The following FAM135B variants were observed in gnomAD, a reference collection of about 807,000 sequenced individuals.
FAM135B encodes the protein protein FAM135B.
A neutral mutation model predicts 127.7 loss-of-function variants in FAM135B; 43 were observed. That is an observed-to-expected ratio of 0.34 (90% confidence interval 0.26 to 0.43). The LOEUF (loss-of-function observed/expected upper bound fraction) is 0.43. Ranked by LOEUF, FAM135B falls within the 20% of genes least tolerant of loss-of-function variation. The probability of loss-of-function intolerance (pLI) is 1.00; values close to 1 mark genes in which losing one functional copy is unlikely to be tolerated. For missense variants in FAM135B, 1,558 were observed against 1,725.6 expected (o/e 0.90, Z 1.72); for synonymous variants, 670 against 665.1 (o/e 1.01, Z -0.11).
intron 4 of FAM135B, among the ~76,000 whole-genome samples, chr8:138,263,115 T>C (rs1011546258): frequency 3.3e-5 from 5 of 152,190 alleles, no homozygotes; most frequent in African/African-American, 9.6e-5. Flanking sequence ...GTTTAACAAC[T>C]GGCTCTCTGA....
intron 1 of FAM135B, among the ~76,000 whole-genome samples, chr8:138,492,587 A>G (rs888086319): frequency 1.3e-5 from 2 of 151,654 alleles, no homozygotes; most frequent in Non-Finnish European, 2.9e-5. Flanking sequence ...CAAACGTGTA[A>G]CCCTACCATC....
At chr8:138,305,319 C>T (rs180780779) in intron 3 of FAM135B, among the ~76,000 whole-genome samples, 2 of 152,272 alleles carry the variant, frequency 1.3e-5, no homozygotes, top group East Asian at 1.9e-4. Context: ...TAATCATTTG[C>T]TGCAGCCTCA....
intron 3 of FAM135B, among the ~76,000 whole-genome samples, chr8:138,295,390 G>A (rs1474821061): frequency 6.6e-6 from 1 of 152,094 alleles, no homozygotes; most frequent in East Asian, 1.9e-4. Flanking sequence ...TGCCGGCCTT[G>A]ATGAATACTA....
chr8:138,206,138 T>C (rs1817543333), intron 7 of FAM135B, among the ~76,000 whole-genome samples: 1 of 134,042 alleles, frequency 7.5e-6, no homozygotes. Flanking sequence ...CAGCAGCACC[T>C]CCACCCACGC....
Position 138,261,829 on chromosome 8 carries a change from T to A in FAM135B, c.297+3874A>T, listed in dbSNP as rs543423745. Among the ~76,000 whole-genome samples the A allele has an allele frequency of 2.8e-4, 42 of 152,334 alleles. No homozygotes were observed. In the East Asian group the frequency reaches 4.1e-3, roughly 15 times the overall value. On this transcript the variant is annotated intron_variant, in intron 4 of 19. Transcript: ENST00000395297. ...ATGTGTTTGATGAATAGGCATTTCA[T>A]AAATGTCTGTTGTTCACAATGATGT...
chr8:138,406,162 G>A (rs1252423557), intron 1 of FAM135B, among the ~76,000 whole-genome samples: 1 of 151,188 alleles, frequency 6.6e-6, no homozygotes, highest in Non-Finnish European at 1.5e-5. Context: ...CCATTTTGTA[G>A]GTTGCCTGTT....
intron 2 of FAM135B, among the ~76,000 whole-genome samples, chr8:138,328,869 GTC>G (rs1161828326): frequency 2.0e-5 from 3 of 152,174 alleles, no homozygotes; most frequent in African/African-American, 7.2e-5. Context: ...CCCAGAGAAA[GTC>G]TTCAATAGTT....
intron 2 of FAM135B, chr8:138,367,438 A>C (rs1048001954): frequency 8.8e-6 from 4 of 456,682 alleles, no homozygotes; most frequent in African/African-American, 8.0e-5. Context: ...ATTATACTTC[A>C]GTTATATGAA....
intron 1 of FAM135B, among the ~76,000 whole-genome samples, chr8:138,375,111 C>A (rs1831380705): frequency 6.6e-6 from 1 of 152,010 alleles, no homozygotes; most frequent in African/African-American, 2.4e-5. Flanking sequence ...GCTGCTGCAT[C>A]TGCCTGTAAT....
chr8:138,191,622 G>A (rs573474784), intron 9 of FAM135B, among the ~76,000 whole-genome samples: 192 of 152,250 alleles, frequency 1.3e-3, no homozygotes, highest in African/African-American at 4.3e-3. Context: ...GAAGAACACC[G>A]GATCTGGGAA....
Position 138,143,201 on chromosome 8 carries a change from C to T in FAM135B, c.3541-92G>A, listed in dbSNP as rs1817362537. 5 of 714,750 alleles carry T rather than the reference C, an allele frequency of 7.0e-6. No homozygotes were observed. In the East Asian group the frequency reaches 1.0e-4, roughly 15 times the overall value. 44.3% of individuals were successfully genotyped at this position (714,750 alleles called of 1,614,324 possible). On this transcript the variant is annotated intron_variant, in intron 15 of 19. Coordinates refer to ENST00000395297, the MANE Select transcript of FAM135B (RefSeq NM_015912.4). Reference sequence around the variant, plus strand: ...TGTGTTCTTCCACTAAACACTGTGGCGCCTACTGGGGATGTGCCTACCTCT... The same window carrying T: ...TGTGTTCTTCCACTAAACACTGTGGTGCCTACTGGGGATGTGCCTACCTCT...
intron 7 of FAM135B, among the ~76,000 whole-genome samples, chr8:138,209,531 A>G (rs560899356): frequency 6.6e-6 from 1 of 152,226 alleles, no homozygotes; most frequent in East Asian, 1.9e-4. Flanking sequence ...TCCAGGAGAG[A>G]AGCAGGAGAT....
At chr8:138,145,102 C>T (rs1224120350) in intron 15 of FAM135B, among the ~76,000 whole-genome samples, 2 of 152,200 alleles carry the variant, frequency 1.3e-5, no homozygotes, top group East Asian at 1.9e-4. Context: ...GCAACCTTGA[C>T]CTCCTTGGGC....
At chr8:138,210,051 G>C (rs536407444) in intron 7 of FAM135B, among the ~76,000 whole-genome samples, 11 of 152,160 alleles carry the variant, frequency 7.2e-5, no homozygotes, top group African/African-American at 2.4e-4. Context: ...GAGTGTGAAG[G>C]GTCAAGCAAT....
intron 1 of FAM135B, among the ~76,000 whole-genome samples, chr8:138,409,106 C>T (rs1017105876): frequency 5.3e-5 from 8 of 152,166 alleles, no homozygotes; most frequent in African/African-American, 1.9e-4. Flanking sequence ...GCCTTCCTCA[C>T]AAAGCTTAAT....
At position 138,143,105 on chromosome 8, in the gene FAM135B, T is replaced by A. The variant is rs755520715; in HGVS notation, c.3545A>T (p.Asp1182Val). The A allele has an allele frequency of 6.3e-7, 1 of 1,585,280 alleles. No homozygotes were observed. The highest frequency in any genetic ancestry group is 8.7e-7 in the Non-Finnish European group (1 of 1,153,924). Residue 1182 changes from aspartate (D) to valine (V), a missense_variant, in exon 16 of 20, where the codon GAC becomes GTC. Coordinates refer to ENST00000395297, the MANE Select transcript of FAM135B (RefSeq NM_015912.4). The stretch of plus-strand genomic sequence containing the variant: ...CATAGTATCAAAATCTGCAAATGTG[T>A]CCATCTGGAAGAAGAGAGAGGAACA... ...DFLMSEKNQM[D>V]TFADFDTMTD...
intron 3 of FAM135B, among the ~76,000 whole-genome samples, chr8:138,276,913 A>T (rs1396493072): frequency 6.6e-6 from 1 of 152,176 alleles, no homozygotes; most frequent in Non-Finnish European, 1.5e-5. Context: ...GAGGGTCTGG[A>T]ATGGGGGCCA....
At chr8:138,227,467 G>C (rs183620892) in intron 7 of FAM135B, among the ~76,000 whole-genome samples, 87 of 152,266 alleles carry the variant, frequency 5.7e-4, no homozygotes, top group African/African-American at 1.9e-3. Flanking sequence ...CAAAACTCCA[G>C]GCATACAACT....
At chr8:138,191,355 T>C (rs1453760656) in intron 9 of FAM135B, among the ~76,000 whole-genome samples, 1 of 152,198 alleles carries the variant, frequency 6.6e-6, no homozygotes, top group Non-Finnish European at 1.5e-5. Context: ...GTCCATTGGA[T>C]CAGTAAATGA....
Sources: gnomAD v4.1 joint callset for allele counts (sites outside exome capture counted in the v4.1 genomes callset) on GRCh38, gnomAD v4.1.1 for gene constraint, MANE v1.5 for transcripts, NCBI Gene and HGNC (gene_info 2026-07-23, HGNC 2026-07-21) for gene names.